ASTN1: variants seen among roughly 807,000 people sequenced by gnomAD.
ASTN1 encodes the protein astrotactin 1.
ASTN1 carries 41 observed loss-of-function variants against 140.7 expected under a neutral mutation model. The observed-to-expected ratio is 0.29, with a 90% confidence interval of 0.23 to 0.38. The LOEUF is 0.38. ASTN1 is among the 10% of genes least tolerant of loss of function. ASTN1 has a pLI of 1.00. For missense variants in ASTN1, 1,479 were observed against 1,678.8 expected (o/e 0.88, Z 2.08); for synonymous variants, 640 against 652.2 (o/e 0.98, Z 0.29).
At chr1:176,911,516 T>C (rs1670238782) in intron 16 of ASTN1, among the ~76,000 whole-genome samples, 1 of 152,172 alleles carries the variant, frequency 6.6e-6, no homozygotes, top group Admixed American at 6.5e-5. Context: ...TATATGCTTT[T>C]CTCTATTTTT....
intron 1 of ASTN1, among the ~76,000 whole-genome samples, chr1:177,063,190 T>C (rs936340431): frequency 3.9e-5 from 6 of 152,204 alleles, no homozygotes; most frequent in Non-Finnish European, 8.8e-5. Context: ...GTCATTAGCC[T>C]GTCTCAAAAG....
intron 21 of ASTN1, among the ~76,000 whole-genome samples, chr1:176,870,225 G>T (rs566379028): frequency 6.6e-6 from 1 of 152,328 alleles, no homozygotes; most frequent in Non-Finnish European, 1.5e-5. Flanking sequence ...GCAACGTTTT[G>T]TCTTGGATGC....
chr1:176,951,105 G>A (rs981664184), intron 11 of ASTN1, among the ~76,000 whole-genome samples: 1 of 152,198 alleles, frequency 6.6e-6, no homozygotes, highest in African/African-American at 2.4e-5. Context: ...CTCCCAGCCT[G>A]GTCCATCTCC....
At chr1:177,123,848 C>T (rs1446468116) in intron 1 of ASTN1, among the ~76,000 whole-genome samples, 1 of 152,098 alleles carries the variant, frequency 6.6e-6, no homozygotes, top group Non-Finnish European at 1.5e-5. Flanking sequence ...TGTGAGCTAA[C>T]CCCAGGCAGG....
At chr1:176,978,713 G>A (rs1394365539) in intron 8 of ASTN1, among the ~76,000 whole-genome samples, 1 of 152,142 alleles carries the variant, frequency 6.6e-6, no homozygotes. Flanking sequence ...CTGGCAAGGT[G>A]TGCGGCAGGT....
chr1:177,111,040 T>G (rs1289407007), intron 1 of ASTN1, among the ~76,000 whole-genome samples: 1 of 152,244 alleles, frequency 6.6e-6, no homozygotes, highest in Non-Finnish European at 1.5e-5. Context: ...CACTGGTTTC[T>G]GTAAAAGCTA....
In ASTN1 at chr1:177,120,305, A is replaced by G. The variant is rs73048926; in HGVS notation, c.283+44089T>C. 5.5e-3 allele frequency among the ~76,000 whole-genome samples: 840 copies of G among 152,302 alleles called. 10 individuals carry two copies. The highest frequency in any genetic ancestry group is 0.019 in the African/African-American group (799 of 41,562). On this transcript the variant is annotated intron_variant, in intron 1 of 22. Transcript: ENST00000361833. ...TCATTGGGAAGTTTTATGTAAAAAC[A>G]CTACAGAAATCAAGCCTTGAGCCTG...
intron 22 of ASTN1, among the ~76,000 whole-genome samples, chr1:176,865,102 C>A (rs1668086797): frequency 6.6e-6 from 1 of 152,212 alleles, no homozygotes; most frequent in South Asian, 2.1e-4. Flanking sequence ...TTGCACACAT[C>A]ACCTGATTAA....
chr1:177,034,133 T>C (rs908722261), intron 2 of ASTN1, among the ~76,000 whole-genome samples: 2 of 151,982 alleles, frequency 1.3e-5, no homozygotes, highest in African/African-American at 4.8e-5. Flanking sequence ...CCAAATACAT[T>C]AAAGGGGGCT....
At chr1:177,130,421 T>G (rs753111874) in intron 1 of ASTN1, among the ~76,000 whole-genome samples, 6 of 152,176 alleles carry the variant, frequency 3.9e-5, no homozygotes, top group Non-Finnish European at 8.8e-5. Context: ...ATGATGACTC[T>G]ATGGTATGAG....
chr1:176,943,757 G>T, intron 14 of ASTN1, 134 bp downstream of exon 14: 2 of 1,174,762 alleles, frequency 1.7e-6, no homozygotes, highest in Non-Finnish European at 2.3e-6. Context: ...CAGTTTTATG[G>T]CTGAGCTTTT....
At chr1:176,914,142 C>T (rs1324689555) in intron 16 of ASTN1, among the ~76,000 whole-genome samples, 2 of 152,116 alleles carry the variant, frequency 1.3e-5, no homozygotes, top group Non-Finnish European at 2.9e-5. Flanking sequence ...GATGACAAAA[C>T]CGGGCAACAG....
At chr1:176,974,016 A>G (rs1673254308) in intron 8 of ASTN1, among the ~76,000 whole-genome samples, 1 of 152,220 alleles carries the variant, frequency 6.6e-6, no homozygotes, top group Non-Finnish European at 1.5e-5. Context: ...AAAACATGAT[A>G]TTGTTGAACA....
At chr1:176,936,440 C>A (rs923415670) in intron 14 of ASTN1, 70 bp from the exon 15 acceptor site, 2 of 1,243,374 alleles carry the variant, frequency 1.6e-6, no homozygotes, top group South Asian at 2.5e-5. Flanking sequence ...AAGCATGACC[C>A]ACCTCTATGA....
intron 16 of ASTN1, 85 bp downstream of exon 16, chr1:176,934,067 C>T (rs1285763850): frequency 7.4e-7 from 1 of 1,353,800 alleles, no homozygotes; most frequent in African/African-American, 1.4e-5. Context: ...TTACTACAGA[C>T]TCCTTAAAAT....
chr1:176,945,763 G>A (rs1278885334), intron 13 of ASTN1, among the ~76,000 whole-genome samples, 163 bp downstream of exon 13: 1 of 152,210 alleles, frequency 6.6e-6, no homozygotes, highest in Non-Finnish European at 1.5e-5. Flanking sequence ...TCTGGAAGAA[G>A]GAATGTAGAC....
At position 176,980,103 on chromosome 1, in the gene ASTN1, A is replaced by G. The variant is rs144245466; in HGVS notation, c.1524-14866T>C. 3.2e-3 allele frequency among the ~76,000 whole-genome samples: 493 copies of G among 152,300 alleles called. 7 individuals carry two copies. The highest frequency in any genetic ancestry group is 0.011 in the African/African-American group (456 of 41,544). On this transcript the variant is annotated intron_variant, in intron 8 of 22. Transcript: ENST00000361833. ...ATAGAGGATGTGTAGGTATGACCAT[A>G]AAAGCAAGAAGTGGCTGACTGGGGG...
intron 1 of ASTN1, among the ~76,000 whole-genome samples, chr1:177,086,690 G>GT (rs1679486708): frequency 6.6e-6 from 1 of 152,124 alleles, no homozygotes; most frequent in Admixed American, 6.5e-5. Flanking sequence ...TATGAGCTCA[G>GT]TTTTTTAAAA....
intron 17 of ASTN1, among the ~76,000 whole-genome samples, chr1:176,890,027 T>G (rs1285650786): frequency 1.3e-5 from 2 of 152,228 alleles, no homozygotes; most frequent in Non-Finnish European, 2.9e-5. Context: ...ACTACTGCCT[T>G]GCAGAGCCTT....
Sources: allele counts gnomAD v4.1 joint callset (sites outside exome capture counted in the v4.1 genomes callset), GRCh38; gene constraint gnomAD v4.1.1; transcripts MANE v1.5; gene names NCBI Gene and HGNC (gene_info 2026-07-23, HGNC 2026-07-21).